The following GCSAML variants were observed in gnomAD, a reference collection of about 807,000 sequenced individuals.
The protein encoded by GCSAML is germinal center associated signaling and motility like, also known as germinal center-associated signaling and motility-like protein.
GCSAML carries 9 observed loss-of-function variants against 13.0 expected under a neutral mutation model. The ratio of observed to expected loss-of-function variants is 0.69; its 90% CI spans 0.42 to 1.21. The LOEUF (loss-of-function observed/expected upper bound fraction) is 1.21. Ranked by LOEUF, GCSAML falls within the 50% of genes most tolerant of loss-of-function variation. The pLI, the probability that GCSAML is intolerant of heterozygous loss-of-function variation, is 0.00. For synonymous variants in GCSAML, 37 were observed against 52.9 expected, an observed-to-expected ratio of 0.70 and a Z score of 1.31; for missense variants, 143 against 153.4, an observed-to-expected ratio of 0.93 and a Z score of 0.36.
At chr1:247,542,277 A>C (rs1463192838) in intron 2 of GCSAML, among the ~76,000 whole-genome samples, 2 of 152,210 alleles carry the variant, frequency 1.3e-5, no homozygotes, top group Non-Finnish European at 2.9e-5. Context: ...ACACAGTGAG[A>C]CCTTGTCTTT....
At chr1:247,570,655 T>A (rs1239735594) in intron 4 of GCSAML, among the ~76,000 whole-genome samples, 1 of 152,070 alleles carries the variant, frequency 6.6e-6, no homozygotes, top group Non-Finnish European at 1.5e-5. Context: ...GGATAAGTGC[T>A]ATTTCGTGCT....
chr1:247,510,240 T>C (rs1485294585), intron 1 of GCSAML, among the ~76,000 whole-genome samples: 1 of 152,230 alleles, frequency 6.6e-6, no homozygotes, highest in Non-Finnish European at 1.5e-5. Context: ...AGAAGATGTA[T>C]GTGTCCAGAA....
chr1:247,544,417 A>G (rs1160556108), upstream of GCSAML, among the ~76,000 whole-genome samples: 1 of 152,024 alleles, frequency 6.6e-6, no homozygotes, highest in Non-Finnish European at 1.5e-5. Context: ...GGGAAACACA[A>G]CTCTCAGCTG....
At position 247,557,646 on chromosome 1, in the gene GCSAML, C is replaced by T. The variant is rs1162688148; in HGVS notation, c.89+1180C>T. Among the ~76,000 whole-genome samples the T allele has an allele frequency of 2.0e-5, 3 of 152,084 alleles. No homozygotes were observed. In the South Asian group the frequency reaches 6.2e-4, roughly 32 times the overall value. On this transcript the variant is annotated intron_variant, in intron 2 of 4. Transcript: ENST00000366488. ...ATCAGCCCCCTCCTAAATGTTTGAA[C>T]GACACTTTCCTGCACAAAGGAGAGA...
At chr1:247,534,335 A>G (rs1213895398) in intron 2 of GCSAML, among the ~76,000 whole-genome samples, 1 of 152,160 alleles carries the variant, frequency 6.6e-6, no homozygotes, top group Non-Finnish European at 1.5e-5. Flanking sequence ...GCATCATGAA[A>G]CAGGTTGCTA....
chr1:247,512,165 T>C (rs1027235853), intron 1 of GCSAML, among the ~76,000 whole-genome samples: 1 of 152,142 alleles, frequency 6.6e-6, no homozygotes, highest in African/African-American at 2.4e-5. Context: ...GGTTTGGTCT[T>C]TTTACGTAGT....
intron 1 of GCSAML, among the ~76,000 whole-genome samples, chr1:247,512,740 G>C (rs1269435518): frequency 6.6e-6 from 1 of 152,100 alleles, no homozygotes; most frequent in Non-Finnish European, 1.5e-5. Flanking sequence ...CTTTCTGCTT[G>C]TTAGTTTTCC....
intron 3 of GCSAML, among the ~76,000 whole-genome samples, chr1:247,564,020 G>A (rs1186146277): frequency 1.3e-5 from 2 of 151,626 alleles, no homozygotes; most frequent in African/African-American, 2.4e-5. Flanking sequence ...GTAACCCCCC[G>A]CCTTCCGGGT....
chr1:247,557,606 A>C (rs1363550390), intron 2 of GCSAML, among the ~76,000 whole-genome samples: 2 of 152,124 alleles, frequency 1.3e-5, no homozygotes, highest in Non-Finnish European at 2.9e-5. Context: ...GTGATGTGAA[A>C]TGATGTTTGC....
chr1:247,574,586 C>T lies in GCSAML; in HGVS notation c.*204C>T, dbSNP rs1668763216. The T allele has an allele frequency of 6.9e-6, 4 of 577,026 alleles. No homozygotes were observed. The highest frequency in any genetic ancestry group is 8.9e-6 in the Non-Finnish European group (3 of 335,702). The allele number at this position is 577,026 out of a possible 1,614,324, so 35.7% of individuals were successfully genotyped here. On this transcript the variant is annotated 3_prime_UTR_variant, in exon 5 of 5. Coordinates refer to ENST00000366488, the MANE Select transcript of GCSAML (RefSeq NM_145278.5). ...GAAATCATAGAAATTGACACAATGA[C>T]CTAAAATATTCTATGTGTTTTTGCT... is the stretch of plus-strand genomic sequence containing the variant.
intron 2 of GCSAML, among the ~76,000 whole-genome samples, 175 bp downstream of exon 2, chr1:247,556,641 A>T (rs895498637): frequency 2.0e-5 from 3 of 152,328 alleles, no homozygotes; most frequent in Middle Eastern, 3.4e-3. Context: ...CTCTGTCTAA[A>T]TAAGAAAGAC....
At chr1:247,516,962 G>A (rs1345648123) in intron 1 of GCSAML, among the ~76,000 whole-genome samples, 3 of 152,190 alleles carry the variant, frequency 2.0e-5, no homozygotes, top group Admixed American at 2.0e-4. Context: ...ACGAAGGAGT[G>A]CAGGTCATAA....
intron 1 of GCSAML, among the ~76,000 whole-genome samples, chr1:247,521,861 C>A (rs1666444829): frequency 1.3e-5 from 2 of 151,968 alleles, no homozygotes; most frequent in South Asian, 4.1e-4. Context: ...ATGTGAGGAG[C>A]CCCTCTGCCC....
In GCSAML at chr1:247,563,712, T is replaced by G. The variant is rs951775840; in HGVS notation, c.139+73T>G. 7 of 784,894 alleles carry G rather than the reference T, an allele frequency of 8.9e-6. No individual in the cohort carries two copies. In the African/African-American group the frequency reaches 1.2e-4, roughly 14 times the overall value. 48.6% of individuals were successfully genotyped at this position (784,894 alleles called of 1,614,324 possible). A position where few individuals can be genotyped will look rare whatever the true frequency, so the allele number is the denominator to read the frequency against. ...TAAGCATCCAATTAGCAGACACTCT[T>G]GAGCCTATTGTAATAACAGATTGGA... On this transcript the variant is annotated intron_variant, in intron 3 of 4. Coordinates refer to ENST00000366488, the MANE Select transcript of GCSAML (RefSeq NM_145278.5).
chr1:247,539,406 C>G (rs1667331159), intron 2 of GCSAML, among the ~76,000 whole-genome samples: 1 of 152,158 alleles, frequency 6.6e-6, no homozygotes, highest in Non-Finnish European at 1.5e-5. Context: ...TTTCAGCTAG[C>G]TTGAACTGGA....
intron 2 of GCSAML, chr1:247,536,300 C>T (rs903113973): frequency 2.6e-5 from 4 of 152,064 alleles, no homozygotes; most frequent in African/African-American, 9.7e-5. Flanking sequence ...GGAGTTTAGC[C>T]AGGGGATTTT....
chr1:247,528,464 G>C (rs1666776546), intron 2 of GCSAML: 1 of 152,076 alleles, frequency 6.6e-6, no homozygotes, highest in Non-Finnish European at 1.5e-5. Context: ...AAACACAAAG[G>C]GACAAATCCT....
At chr1:247,539,257 G>A (rs1667326912) in intron 2 of GCSAML, among the ~76,000 whole-genome samples, 1 of 152,178 alleles carries the variant, frequency 6.6e-6, no homozygotes, top group Non-Finnish European at 1.5e-5. Flanking sequence ...CTCAAATATA[G>A]TCAAACTTCA....
chr1:247,516,166 T>C (rs1666203579), intron 1 of GCSAML, among the ~76,000 whole-genome samples: 2 of 152,242 alleles, frequency 1.3e-5, no homozygotes, highest in South Asian at 2.1e-4. Flanking sequence ...CTCATGTCAA[T>C]ACGGCAGGAC....
Sources: gnomAD v4.1 joint callset for allele counts (sites outside exome capture counted in the v4.1 genomes callset) on GRCh38, gnomAD v4.1.1 for gene constraint, MANE v1.5 for transcripts, NCBI Gene and HGNC (gene_info 2026-07-23, HGNC 2026-07-21) for gene names.